PRKG1: variants seen among roughly 807,000 people sequenced by gnomAD.
PRKG1 encodes the protein cGMP-dependent protein kinase 1.
In PRKG1, 35 loss-of-function variants were observed where a neutral mutation model predicts 88.1. The observed-to-expected ratio is 0.40, with a 90% CI of 0.30 to 0.53. PRKG1 has a LOEUF of 0.53. PRKG1 is among the 20% of genes least tolerant of loss of function. PRKG1 has a pLI of 0.59. For synonymous variants in PRKG1, 303 were observed against 292.5 expected, an observed-to-expected ratio of 1.04 and a Z score of -0.37; for missense variants, 540 against 839.8, an observed-to-expected ratio of 0.64 and a Z score of 4.41.
At position 51,269,177 on chromosome 10, in the gene PRKG1, C is replaced by A. The variant is rs540833714; in HGVS notation, c.478+115847C>A. Among the ~76,000 whole-genome samples the A allele has an allele frequency of 2.6e-5, 4 of 152,232 alleles. No homozygotes were observed. In the South Asian group the frequency reaches 8.3e-4, roughly 32 times the overall value. ...AATTAAAACCACAATGAGATACCACCTTACTTCTGTAAGAGTGGCAACAAT... is the reference window on the plus strand; with the variant it reads ...AATTAAAACCACAATGAGATACCACATTACTTCTGTAAGAGTGGCAACAAT... On this transcript the variant is annotated intron_variant, in intron 2 of 17. Coordinates refer to ENST00000373980, the MANE Select transcript of PRKG1 (RefSeq NM_006258.4).
At chr10:51,041,976 C>CACCCT (rs1245108151) in intron 1 of PRKG1, among the ~76,000 whole-genome samples, 1 of 152,150 alleles carries the variant, frequency 6.6e-6, no homozygotes, top group Non-Finnish European at 1.5e-5. Context: ...ACAGGGAGCA[C>CACCCT]ACCCTGCCTG....
At chr10:52,110,802 G>A (rs75283112) in intron 7 of PRKG1, among the ~76,000 whole-genome samples, 17,499 of 152,178 alleles carry the variant, frequency 0.11, 1,255 homozygotes, top group Non-Finnish European at 0.16. Flanking sequence ...CATAGCTGCC[G>A]TGTTGCTACT....
chr10:51,281,981 A>G (rs1741475378), intron 2 of PRKG1, among the ~76,000 whole-genome samples: 1 of 152,174 alleles, frequency 6.6e-6, no homozygotes, highest in African/African-American at 2.4e-5. Flanking sequence ...AATATGTTTA[A>G]CAATCTCCCC....
chr10:51,921,551 T>C (rs1180039814), intron 5 of PRKG1, among the ~76,000 whole-genome samples: 1 of 152,120 alleles, frequency 6.6e-6, no homozygotes, highest in Non-Finnish European at 1.5e-5. Context: ...AGGCTCTTTG[T>C]AGTTTTTTGT....
chr10:52,289,792 G>T (rs545684334), intron 16 of PRKG1, among the ~76,000 whole-genome samples: 5 of 152,236 alleles, frequency 3.3e-5, no homozygotes, highest in Non-Finnish European at 1.5e-5. Flanking sequence ...GATGTGAAAA[G>T]GTTAATTAGC....
Position 52,105,402 on chromosome 10 carries a change from C to T in PRKG1, c.936-28438C>T, listed in dbSNP as rs190827915. Among the ~76,000 whole-genome samples, 674 of 152,108 alleles carry T rather than the reference C, an allele frequency of 4.4e-3. 2 individuals are homozygous for T. The highest frequency in any genetic ancestry group is 7.7e-3 in the Non-Finnish European group (525 of 68,008). On this transcript the variant is annotated intron_variant, in intron 7 of 17. Coordinates refer to ENST00000373980, the MANE Select transcript of PRKG1 (RefSeq NM_006258.4). ...AAACTTGACTGATTTTGAAACTTACCCTGTGTTAAGGAAGCGATAATAACC... is the reference window on the plus strand; with the variant it reads ...AAACTTGACTGATTTTGAAACTTACTCTGTGTTAAGGAAGCGATAATAACC...
At chr10:51,444,522 C>T (rs1053568570) in intron 2 of PRKG1, among the ~76,000 whole-genome samples, 5 of 151,862 alleles carry the variant, frequency 3.3e-5, no homozygotes, top group Non-Finnish European at 7.4e-5. Flanking sequence ...AATGAGACTA[C>T]AATATATAAA....
chr10:51,332,922 A>G (rs1176411851), intron 2 of PRKG1, among the ~76,000 whole-genome samples: 1 of 152,188 alleles, frequency 6.6e-6, no homozygotes, highest in African/African-American at 2.4e-5. Flanking sequence ...ACATTTATTC[A>G]GTGCTAACTA....
chr10:52,165,059 G>T (rs549460213), intron 9 of PRKG1, among the ~76,000 whole-genome samples: 4 of 152,198 alleles, frequency 2.6e-5, no homozygotes, highest in South Asian at 4.1e-4. Context: ...TGATGAAAAA[G>T]TCTAAAACCT....
chr10:51,676,309 A>G (rs950755959), intron 3 of PRKG1, among the ~76,000 whole-genome samples: 1 of 152,052 alleles, frequency 6.6e-6, no homozygotes, highest in Non-Finnish European at 1.5e-5. Context: ...TCACAGAGGA[A>G]TATTTCCATC....
At chr10:51,906,333 G>A (rs1412606924) in intron 4 of PRKG1, among the ~76,000 whole-genome samples, 2 of 152,168 alleles carry the variant, frequency 1.3e-5, no homozygotes, top group Non-Finnish European at 2.9e-5. Context: ...TGAGCCAAAT[G>A]TGAGGACCAC....
intron 12 of PRKG1, among the ~76,000 whole-genome samples, chr10:52,275,196 G>A (rs1841843994): frequency 6.6e-6 from 1 of 152,018 alleles, no homozygotes; most frequent in South Asian, 2.1e-4. Context: ...CTAGGTCCCA[G>A]CTATTTATCT....
intron 2 of PRKG1, among the ~76,000 whole-genome samples, chr10:51,394,376 C>T (rs141455160): frequency 1.6e-4 from 25 of 152,242 alleles, no homozygotes; most frequent in Non-Finnish European, 2.8e-4. Flanking sequence ...CAACTGGGTT[C>T]CAAGAAAGAG....
chr10:51,034,704 ATATG>A (rs1843332068), intron 1 of PRKG1, among the ~76,000 whole-genome samples: 1 of 139,860 alleles, frequency 7.2e-6, no homozygotes, highest in Admixed American at 7.1e-5. Flanking sequence ...ATATATATAT[ATATG>A]CCTTAAAAAT....
intron 4 of PRKG1, among the ~76,000 whole-genome samples, chr10:51,824,706 G>A (rs564556380): frequency 1.6e-4 from 24 of 152,098 alleles, no homozygotes; most frequent in Non-Finnish European, 2.9e-4. Flanking sequence ...GGGGGAGCAG[G>A]TGTGTGACAT....
chr10:51,619,204 A>G (rs150521520), intron 3 of PRKG1, among the ~76,000 whole-genome samples: 1 of 152,286 alleles, frequency 6.6e-6, no homozygotes, highest in East Asian at 1.9e-4. Flanking sequence ...ATTTGCTTAA[A>G]TGTACAATAT....
intron 1 of PRKG1, chr10:51,068,476 T>G (rs1160747846): frequency 1.8e-4 from 27 of 152,054 alleles, no homozygotes. Context: ...ATCTTTAGTA[T>G]TTTCTTACCT....
intron 6 of PRKG1, among the ~76,000 whole-genome samples, chr10:52,059,896 T>C (rs1846196924): frequency 6.6e-6 from 1 of 151,924 alleles, no homozygotes; most frequent in Non-Finnish European, 1.5e-5. Context: ...TCTAGGCATA[T>C]CTATAACAAG....
At chr10:51,283,521 G>C (rs950730763) in intron 2 of PRKG1, among the ~76,000 whole-genome samples, 3 of 152,116 alleles carry the variant, frequency 2.0e-5, no homozygotes, top group Admixed American at 6.5e-5. Context: ...ATTTCACTGA[G>C]ATCAATGGCA....
Sources: gnomAD v4.1 joint callset for allele counts (sites outside exome capture counted in the v4.1 genomes callset) on GRCh38, gnomAD v4.1.1 for gene constraint, MANE v1.5 for transcripts, NCBI Gene and HGNC (gene_info 2026-07-23, HGNC 2026-07-21) for gene names.